CUL1: variants seen among roughly 807,000 people sequenced by gnomAD.
CUL1 encodes the protein cullin 1, also known as cullin-1.
Under a neutral mutation model 118.0 loss-of-function variants are expected in CUL1, and 24 were observed. The ratio of observed to expected loss-of-function variants is 0.20; its 90% CI spans 0.15 to 0.29. CUL1 has a LOEUF of 0.29. Ranked by LOEUF, CUL1 falls within the 10% of genes least tolerant of loss-of-function variation. CUL1 has a pLI of 1.00. For missense variants in CUL1, 361 were observed against 933.8 expected (o/e 0.39, Z 7.99); for synonymous variants, 332 against 340.4 (o/e 0.98, Z 0.27).
chr7:148,794,217 A>G (rs1020136308), intron 17 of CUL1, among the ~76,000 whole-genome samples: 2 of 151,208 alleles, frequency 1.3e-5, no homozygotes, highest in Admixed American at 1.3e-4. Context: ...TTTCTTATAT[A>G]CACACATTTT....
chr7:148,723,374 G>A (rs1798456733), intron 1 of CUL1, among the ~76,000 whole-genome samples: 1 of 152,170 alleles, frequency 6.6e-6, no homozygotes. Flanking sequence ...GGCCCTGTGT[G>A]TCCAGCTGCT....
At chr7:148,798,404 C>T (rs1043364935) in intron 19 of CUL1, among the ~76,000 whole-genome samples, 168 bp from the exon 20 acceptor site, 44 of 152,094 alleles carry the variant, frequency 2.9e-4, no homozygotes, top group African/African-American at 9.4e-4. Context: ...TGATCGGACT[C>T]TACCCAGTGC....
At chr7:148,746,018 A>G (rs920742202) in intron 2 of CUL1, among the ~76,000 whole-genome samples, 2 of 152,212 alleles carry the variant, frequency 1.3e-5, no homozygotes, top group African/African-American at 4.8e-5. Flanking sequence ...AGAAACTTCA[A>G]AACAGCTTTT....
rs192464477 is a variant in CUL1 at position 148,710,662 on chromosome 7, T to C, written c.-162+11633T>C. Among the ~76,000 whole-genome samples, 60 of 150,628 alleles carry C rather than the reference T, an allele frequency of 4.0e-4. No homozygotes were observed. The Middle Eastern group carries it at 0.014, about 35-fold the overall frequency. On this transcript the variant is annotated intron_variant, in intron 1 of 21. Coordinates refer to ENST00000325222, the MANE Select transcript of CUL1 (RefSeq NM_003592.3). ...ATGCTACAGGTTTTACCACATTTTC[T>C]CCTTTTTTTTTTTTGGTTGGGGTTT...
intron 2 of CUL1, among the ~76,000 whole-genome samples, chr7:148,745,274 A>G (rs1438906651): frequency 6.6e-6 from 1 of 152,144 alleles, no homozygotes; most frequent in Non-Finnish European, 1.5e-5. Context: ...ATCTTTTATT[A>G]TAACTATAAT....
chr7:148,735,770 G>GTA (rs1340706889), intron 2 of CUL1, among the ~76,000 whole-genome samples: 1 of 152,204 alleles, frequency 6.6e-6, no homozygotes, highest in African/African-American at 2.4e-5. Context: ...GTGTGTGTGT[G>GTA]TATATATATG....
chr7:148,764,365 A>G (rs1799934842), intron 7 of CUL1, among the ~76,000 whole-genome samples: 1 of 152,152 alleles, frequency 6.6e-6, no homozygotes, highest in Non-Finnish European at 1.5e-5. Context: ...GACAATACCT[A>G]CGACCTTGGT....
At chr7:148,782,641 G>T (rs1211658594) in intron 9 of CUL1, among the ~76,000 whole-genome samples, 1 of 152,000 alleles carries the variant, frequency 6.6e-6, no homozygotes, top group South Asian at 2.1e-4. Context: ...ATTATATAGA[G>T]CTTTTTTTAA....
intron 9 of CUL1, among the ~76,000 whole-genome samples, chr7:148,782,753 A>G (rs920980949): frequency 2.6e-5 from 4 of 152,226 alleles, no homozygotes. Context: ...CAAATGTTAT[A>G]AAAAATGCAG....
At chr7:148,768,631 C>T (rs1204100036) in intron 9 of CUL1, among the ~76,000 whole-genome samples, 3 of 151,992 alleles carry the variant, frequency 2.0e-5, no homozygotes, top group African/African-American at 4.8e-5. Flanking sequence ...GTGATTCGCC[C>T]GCCTTGGCCT....
intron 1 of CUL1, among the ~76,000 whole-genome samples, chr7:148,717,432 G>T (rs1178016595): frequency 6.6e-6 from 1 of 152,132 alleles, no homozygotes; most frequent in African/African-American, 2.4e-5. Context: ...ATAAATTTGA[G>T]CCTTTGTCAT....
intron 9 of CUL1, among the ~76,000 whole-genome samples, chr7:148,782,912 G>C (rs1355070346): frequency 6.6e-6 from 1 of 152,156 alleles, no homozygotes; most frequent in Admixed American, 6.5e-5. Context: ...TTCCCAGCCG[G>C]GCTCCCTCGC....
chr7:148,706,693 C>T (rs764253702), intron 1 of CUL1, among the ~76,000 whole-genome samples: 58 of 80,974 alleles, frequency 7.2e-4, no homozygotes, highest in Non-Finnish European at 1.1e-3. Flanking sequence ...CGGCGGGGGG[C>T]GGGGTGGGTG....
In CUL1 at chr7:148,779,526, T is replaced by A. The variant is rs537653631; in HGVS notation, c.1084-4257T>A. 3.9e-5 allele frequency among the ~76,000 whole-genome samples: 6 copies of A among 152,308 alleles called. No homozygotes were observed. The South Asian group carries it at 1.2e-3, about 32-fold the overall frequency. On this transcript the variant is annotated intron_variant, in intron 9 of 21. Transcript: ENST00000325222. ...ACACAACAAAGCCCCTCAGTGGGCGTACACACAGCCCATTCTAAGAACGAA... is the reference window on the plus strand; with the variant it reads ...ACACAACAAAGCCCCTCAGTGGGCGAACACACAGCCCATTCTAAGAACGAA...
At position 148,752,806 on chromosome 7, in the gene CUL1, G is replaced by A. The variant is rs567064030; in HGVS notation, c.141-1170G>A. On this transcript the variant is annotated intron_variant, in intron 2 of 21. Coordinates refer to ENST00000325222, the MANE Select transcript of CUL1 (RefSeq NM_003592.3). ...TGGGACTACAGGCGCCTGCCACCAC[G>A]CCCGGCTAATTTTTTGTGTGTGTTT... Among the ~76,000 whole-genome samples the A allele has an allele frequency of 8.5e-5, 13 of 152,146 alleles. No individual in the cohort carries two copies. The East Asian group carries it at 1.7e-3, about 20-fold the overall frequency.
At chr7:148,763,184 A>G (rs1170814972) in intron 7 of CUL1, among the ~76,000 whole-genome samples, 1 of 152,064 alleles carries the variant, frequency 6.6e-6, no homozygotes, top group Non-Finnish European at 1.5e-5. Context: ...ACCAGGCCTG[A>G]CACCAAAGAC....
At chr7:148,785,344 G>A (rs543154344) in intron 11 of CUL1, among the ~76,000 whole-genome samples, 1 of 151,944 alleles carries the variant, frequency 6.6e-6, no homozygotes, top group Non-Finnish European at 1.5e-5. Flanking sequence ...CATTCAGTTT[G>A]TTTGACAGAA....
At chr7:148,709,858 G>A (rs556094941) in intron 1 of CUL1, among the ~76,000 whole-genome samples, 71 of 152,106 alleles carry the variant, frequency 4.7e-4, no homozygotes, top group African/African-American at 1.7e-3. Flanking sequence ...CGAGGTGGCC[G>A]GATTGCTTGA....
At chr7:148,701,207 C>T (rs909079627) in intron 1 of CUL1, among the ~76,000 whole-genome samples, 3 of 152,052 alleles carry the variant, frequency 2.0e-5, no homozygotes, top group Middle Eastern at 3.4e-3. Context: ...TGAAAACATG[C>T]GCTGATTTTT....
Sources: allele counts gnomAD v4.1 joint callset (sites outside exome capture counted in the v4.1 genomes callset), GRCh38; gene constraint gnomAD v4.1.1; transcripts MANE v1.5; gene names NCBI Gene and HGNC (gene_info 2026-07-23, HGNC 2026-07-21).